Variants in TMEFF1 observed in about 807,000 individuals in gnomAD.
The protein encoded by TMEFF1 is tomoregulin-1.
Under a neutral mutation model 47.5 loss-of-function variants are expected in TMEFF1, and 20 were observed. That is an observed-to-expected ratio of 0.42 (90% CI 0.30 to 0.61). The LOEUF is 0.61. Among genes scored for constraint, TMEFF1 ranks in the 20% least tolerant of loss-of-function variants. The probability of loss-of-function intolerance (pLI) is 0.19; values close to 1 mark genes in which losing one functional copy is unlikely to be tolerated. For synonymous variants in TMEFF1, 162 were observed against 166.3 expected (o/e 0.97, Z 0.20); for missense variants, 411 against 471.1 (o/e 0.87, Z 1.18).
chr9:100,513,432 T>G lies in TMEFF1; in HGVS notation c.463+99T>G. ...TTTTAAATCAGCTTTGAGATATAAT[T>G]CACATACCATATAATTTGCCACTTG... is the stretch of plus-strand genomic sequence containing the variant. On this transcript the variant is annotated intron_variant, in intron 4 of 9. Coordinates refer to ENST00000374879, the MANE Select transcript of TMEFF1 (RefSeq NM_003692.5). 1.9e-3 allele frequency: 1,768 copies of G among 946,416 alleles called. 1 individual carries two copies. Among genetic ancestry groups the G allele is most frequent in the Non-Finnish European group, 2.5e-3 (1,603 of 640,440 alleles). The allele number at this position is 946,416 out of a possible 1,614,324, so 58.6% of individuals were successfully genotyped here. A position where few individuals can be genotyped will look rare whatever the true frequency, so the allele number is the denominator to read the frequency against.
chr9:100,560,690 C>G (rs937850259), intron 7 of TMEFF1, among the ~76,000 whole-genome samples: 4 of 152,104 alleles, frequency 2.6e-5, no homozygotes, highest in Admixed American at 2.6e-4. Context: ...CAGTTCAGTT[C>G]AAATCATTAT....
At chr9:100,500,785 A>G (rs78283772) in intron 2 of TMEFF1, among the ~76,000 whole-genome samples, 16,734 of 152,184 alleles carry the variant, frequency 0.11, 1,225 homozygotes, top group Non-Finnish European at 0.16. Flanking sequence ...AATTTATCCT[A>G]TACATTGTGA....
At chr9:100,518,672 C>G (rs1016067488) in intron 5 of TMEFF1, among the ~76,000 whole-genome samples, 21 of 152,222 alleles carry the variant, frequency 1.4e-4, no homozygotes, top group African/African-American at 4.6e-4. Context: ...TTGGTAATAT[C>G]TAATCTTTTA....
At chr9:100,543,760 T>C (rs1838680204) in intron 5 of TMEFF1, among the ~76,000 whole-genome samples, 1 of 151,140 alleles carries the variant, frequency 6.6e-6, no homozygotes, top group African/African-American at 2.4e-5. Context: ...TCTCATAATG[T>C]TTTAAGAAAG....
chr9:100,490,869 GTGTA>G (rs1239857835), intron 1 of TMEFF1, among the ~76,000 whole-genome samples: 5 of 135,066 alleles, frequency 3.7e-5, no homozygotes, highest in African/African-American at 1.1e-4. Context: ...GTGTGTGTGT[GTGTA>G]TGTGTGTATG....
intron 5 of TMEFF1, among the ~76,000 whole-genome samples, chr9:100,545,155 CCTCAGTAGAGA>C (rs570407828): frequency 1.2e-3 from 189 of 152,338 alleles, no homozygotes; most frequent in African/African-American, 4.4e-3. Flanking sequence ...CTAGGCGACG[CCTCAGTAGAGA>C]CTCTGTGTGG....
chr9:100,527,230 G>A (rs1838278582), intron 5 of TMEFF1, among the ~76,000 whole-genome samples: 2 of 152,182 alleles, frequency 1.3e-5, no homozygotes, highest in South Asian at 4.1e-4. Flanking sequence ...GGATCCGGAG[G>A]GGAGGAGCCA....
rs546538666 is a variant in TMEFF1, at chr9:100,559,459, A to T, written c.776-1938A>T. Among the ~76,000 whole-genome samples, 70 of 152,316 alleles carry T rather than the reference A, an allele frequency of 4.6e-4. 1 individual carries two copies. The South Asian group carries it at 0.014, about 31-fold the overall frequency. ...GGCTCGTGTGGCTATTGAGCACTTG[A>T]AATGTGGCTAGTCAGAATTTAGATC... On this transcript the variant is annotated intron_variant, in intron 7 of 9. Transcript: ENST00000374879.
At chr9:100,510,684 A>G (rs1473500118) in intron 3 of TMEFF1, among the ~76,000 whole-genome samples, 1 of 151,964 alleles carries the variant, frequency 6.6e-6, no homozygotes, top group East Asian at 1.9e-4. Flanking sequence ...CATGTTGCCC[A>G]GGCTAGTCTT....
intron 8 of TMEFF1, among the ~76,000 whole-genome samples, chr9:100,570,918 T>C (rs1212708980): frequency 6.6e-6 from 1 of 152,234 alleles, no homozygotes; most frequent in Non-Finnish European, 1.5e-5. Flanking sequence ...CTGGCTAATT[T>C]ATACATTTCA....
At chr9:100,541,360 T>C (rs1463167500) in intron 5 of TMEFF1, among the ~76,000 whole-genome samples, 1 of 147,234 alleles carries the variant, frequency 6.8e-6, no homozygotes, top group African/African-American at 2.5e-5. Context: ...TTTTTTTTTT[T>C]TTCTTTCTTT....
At chr9:100,498,950 A>T in intron 2 of TMEFF1, 76 bp downstream of exon 2, 1 of 1,480,250 alleles carries the variant, frequency 6.8e-7, no homozygotes, top group South Asian at 1.3e-5. Context: ...AAATTAAAAA[A>T]CCTAAAACAC....
At chr9:100,540,990 T>C (rs547646885) in intron 5 of TMEFF1, among the ~76,000 whole-genome samples, 26 of 152,342 alleles carry the variant, frequency 1.7e-4, no homozygotes, top group African/African-American at 5.8e-4. Flanking sequence ...TGTTTATCTT[T>C]TTGTTTGTAA....
chr9:100,512,593 A>G (rs772760692), intron 3 of TMEFF1, among the ~76,000 whole-genome samples: 18 of 152,134 alleles, frequency 1.2e-4, no homozygotes, highest in Non-Finnish European at 2.5e-4. Context: ...CCTCTTTTCA[A>G]CATGTTCTGT....
chr9:100,521,158 A>C (rs1440725120), intron 5 of TMEFF1, among the ~76,000 whole-genome samples: 3 of 152,236 alleles, frequency 2.0e-5, no homozygotes, highest in Admixed American at 6.5e-5. Context: ...TTCTGAGTGA[A>C]GTGCGTGAAC....
intron 4 of TMEFF1, among the ~76,000 whole-genome samples, chr9:100,515,501 C>G (rs1366097197): frequency 6.6e-6 from 1 of 152,018 alleles, no homozygotes; most frequent in Non-Finnish European, 1.5e-5. Context: ...TAAGACACCC[C>G]CTGAGGCCGG....
Position 100,547,821 on chromosome 9 carries a change from C to A in TMEFF1, c.638C>A (p.Pro213His). The A allele has an allele frequency of 6.2e-7, 1 of 1,610,258 alleles. No individual in the cohort carries two copies. The highest frequency in any genetic ancestry group is 8.5e-7 in the Non-Finnish European group (1 of 1,178,712). The change falls in exon 6 of 10, where the codon CCC becomes CAC. Residue 213 changes from proline to histidine, a missense_variant. Transcript: ENST00000374879. ...TCTGATGGGAGTTCCTATAACAATC[C>A]CTGTTTTGTTCGAGAAGCATCTTGT... ...CASDGSSYNN[P>H]CFVREASCIK...
chr9:100,518,324 G>A, intron 5 of TMEFF1: 2 of 424,278 alleles, frequency 4.7e-6, no homozygotes, highest in Non-Finnish European at 6.3e-6. Flanking sequence ...AGTGTAATAT[G>A]TAGCCTATTC....
chr9:100,495,782 C>T (rs1405125649), intron 1 of TMEFF1, among the ~76,000 whole-genome samples: 2 of 152,032 alleles, frequency 1.3e-5, no homozygotes, highest in Non-Finnish European at 2.9e-5. Context: ...ACCTCTAGCA[C>T]CCTCATAAAT....
Sources: gnomAD v4.1 joint callset for allele counts (sites outside exome capture counted in the v4.1 genomes callset) on GRCh38, gnomAD v4.1.1 for gene constraint, MANE v1.5 for transcripts, NCBI Gene and HGNC (gene_info 2026-07-23, HGNC 2026-07-21) for gene names.